The following CLVS1 variants were observed in gnomAD, a reference collection of about 807,000 sequenced individuals.
CLVS1 encodes the protein clavesin 1.
CLVS1 carries 10 observed loss-of-function variants against 33.1 expected under a neutral mutation model. The ratio of observed to expected loss-of-function variants is 0.30; its 90% CI spans 0.19 to 0.51. The LOEUF (loss-of-function observed/expected upper bound fraction) is 0.51, where lower values mean the gene tolerates loss of function less well. Among genes scored for constraint, CLVS1 ranks in the 20% least tolerant of loss-of-function variants. The probability of loss-of-function intolerance (pLI) is 0.97; values close to 1 mark genes in which losing one functional copy is unlikely to be tolerated. For synonymous variants in CLVS1, 163 were observed against 166.1 expected, an observed-to-expected ratio of 0.98 and a Z score of 0.14; for missense variants, 343 against 433.4, an observed-to-expected ratio of 0.79 and a Z score of 1.85.
At chr8:61,058,955 A>C (rs566445437) in intron 1 of CLVS1, among the ~76,000 whole-genome samples, 2 of 152,138 alleles carry the variant, frequency 1.3e-5, no homozygotes. Context: ...TTCAATGGAC[A>C]TTTAGCTGTT....
intron 1 of CLVS1, among the ~76,000 whole-genome samples, chr8:61,289,817 G>T (rs897641164): frequency 6.6e-6 from 1 of 152,176 alleles, no homozygotes; most frequent in Admixed American, 6.5e-5. Flanking sequence ...CTTTGAGAAT[G>T]AGAAATAGTC....
At chr8:61,129,232 T>G (rs1724327389) in intron 1 of CLVS1, among the ~76,000 whole-genome samples, 1 of 152,254 alleles carries the variant, frequency 6.6e-6, no homozygotes, top group South Asian at 2.1e-4. Flanking sequence ...ATTTATCACA[T>G]TATCTGTTTT....
intron 3 of CLVS1, among the ~76,000 whole-genome samples, chr8:61,385,828 G>A (rs1028129820): frequency 1.3e-5 from 2 of 152,108 alleles, no homozygotes; most frequent in African/African-American, 4.8e-5. Context: ...GGGGTGCTCT[G>A]GCTAAATGAG....
intron 2 of CLVS1, among the ~76,000 whole-genome samples, chr8:61,369,760 C>G (rs1305765217): frequency 7.2e-5 from 11 of 152,174 alleles, no homozygotes; most frequent in Non-Finnish European, 1.3e-4. Flanking sequence ...TGGTGAGTGG[C>G]AGATCCACAG....
At chr8:61,056,205 G>A (rs983952831), upstream of CLVS1, among the ~76,000 whole-genome samples, 2 of 152,180 alleles carry the variant, frequency 1.3e-5, no homozygotes, top group African/African-American at 4.8e-5. Context: ...TAGTCAAGAG[G>A]CTTTTGACTC....
intron 3 of CLVS1, among the ~76,000 whole-genome samples, chr8:61,383,930 A>C (rs28674501): frequency 2.0e-5 from 3 of 152,174 alleles, no homozygotes; most frequent in Non-Finnish European, 1.5e-5. Flanking sequence ...AGTTCAAAGC[A>C]GAGGTGGACT....
rs138734697 is a variant in CLVS1 at position 61,164,079 on chromosome 8, G to A, written c.-152+32219G>A. On this transcript the variant is annotated intron_variant, in intron 2 of 2. Coordinates refer to the CLVS1 transcript ENST00000522621. ...CCCCCTGTGCTCTCAGGCGATAGAT[G>A]ATTTGATTATTTCTTTACCTCCTGT... 4.3e-4 allele frequency among the ~76,000 whole-genome samples: 65 copies of A among 152,296 alleles called. 1 individual carries two copies. In the East Asian group the frequency reaches 0.012, roughly 28 times the overall value.
At chr8:61,466,116 C>T (rs1310716462) in intron 5 of CLVS1, among the ~76,000 whole-genome samples, 2 of 152,192 alleles carry the variant, frequency 1.3e-5, no homozygotes, top group African/African-American at 4.8e-5. Flanking sequence ...GAATAGGTAA[C>T]CCAACATTAA....
At chr8:60,968,039 A>G in the CLVS1 span, among the ~76,000 whole-genome samples, 1 of 152,080 alleles carries the variant, frequency 6.6e-6, no homozygotes, top group Non-Finnish European at 1.5e-5. Flanking sequence ...CTCGGGCCCA[A>G]GCGATTCTCC....
the CLVS1 span, among the ~76,000 whole-genome samples, chr8:61,016,372 A>C: frequency 6.6e-6 from 1 of 152,246 alleles, no homozygotes; most frequent in Non-Finnish European, 1.5e-5. Context: ...TCATAACACA[A>C]ACGGGCTTAA....
At chr8:61,054,909 T>G (rs1804450594), upstream of CLVS1, among the ~76,000 whole-genome samples, 1 of 152,182 alleles carries the variant, frequency 6.6e-6, no homozygotes. Flanking sequence ...TTGGAATATC[T>G]ATGCACCAAA....
At chr8:61,365,410 C>G (rs1284326749) in intron 2 of CLVS1, among the ~76,000 whole-genome samples, 2 of 151,956 alleles carry the variant, frequency 1.3e-5, no homozygotes, top group Non-Finnish European at 2.9e-5. Context: ...GCCTGTAATC[C>G]CGGCTACTCG....
At chr8:61,269,141 A>G (rs1809377394) in intron 2 of CLVS1, among the ~76,000 whole-genome samples, 1 of 148,300 alleles carries the variant, frequency 6.7e-6, no homozygotes, top group Non-Finnish European at 1.5e-5. Context: ...TAGGGTTTTT[A>G]TGGTTTTAGG....
At chr8:61,174,742 G>C (rs1807079820) in intron 2 of CLVS1, among the ~76,000 whole-genome samples, 1 of 152,138 alleles carries the variant, frequency 6.6e-6, no homozygotes, top group Admixed American at 6.5e-5. Flanking sequence ...ATTGTACCTG[G>C]CTTCAAGAAC....
intron 2 of CLVS1, among the ~76,000 whole-genome samples, chr8:61,165,748 G>T (rs1394615757): frequency 5.9e-5 from 9 of 152,154 alleles, no homozygotes; most frequent in African/African-American, 2.2e-4. Flanking sequence ...TTGGGCACAT[G>T]TTCTCAGGAC....
At chr8:61,130,242 A>AATAT (rs1806065832) in intron 1 of CLVS1, among the ~76,000 whole-genome samples, 1 of 139,428 alleles carries the variant, frequency 7.2e-6, no homozygotes, top group African/African-American at 2.5e-5. Flanking sequence ...TGTCTCAAAA[A>AATAT]ATAAATAAAT....
the CLVS1 span, among the ~76,000 whole-genome samples, chr8:60,974,506 A>G: frequency 6.6e-6 from 1 of 152,206 alleles, no homozygotes; most frequent in Non-Finnish European, 1.5e-5. Context: ...CAAAGTTTCT[A>G]GCCCATTGAT....
chr8:61,031,069 G>C, the CLVS1 span, among the ~76,000 whole-genome samples: 1 of 152,208 alleles, frequency 6.6e-6, no homozygotes, highest in East Asian at 1.9e-4. Flanking sequence ...GGGCAACTGA[G>C]TACATTGAAG....
chr8:60,974,218 G>A, the CLVS1 span, among the ~76,000 whole-genome samples: 1 of 152,154 alleles, frequency 6.6e-6, no homozygotes, highest in African/African-American at 2.4e-5. Context: ...CTGTGGGGAG[G>A]TGAGATGGGG....
Sources: allele counts gnomAD v4.1 joint callset (sites outside exome capture counted in the v4.1 genomes callset), GRCh38; gene constraint gnomAD v4.1.1; transcripts MANE v1.5; gene names NCBI Gene and HGNC (gene_info 2026-07-23, HGNC 2026-07-21).